Variants in GARIN3 observed in about 807,000 individuals in gnomAD.
GARIN3 encodes the protein Golgi-associated RAB2 interactor protein 3.
At chr5:157,164,394 C>T in the GARIN3 span, among the ~76,000 whole-genome samples, 8 of 151,954 alleles carry the variant, frequency 5.3e-5, no homozygotes, top group African/African-American at 1.9e-4. Context: ...TCTGGTGAGC[C>T]GCCTTCCTTG....
chr5:157,165,198 C>T, the GARIN3 span, among the ~76,000 whole-genome samples: 1 of 152,220 alleles, frequency 6.6e-6, no homozygotes, highest in African/African-American at 2.4e-5. Flanking sequence ...CACAAAGCTA[C>T]ACCTACACCC....
chr5:157,162,418 C>A, the GARIN3 span: 1 of 1,599,976 alleles, frequency 6.3e-7, no homozygotes, highest in Non-Finnish European at 8.5e-7. Flanking sequence ...ACTTCCAGAT[C>A]CCTGGGCGGT....
At chr5:157,162,537 T>C in the GARIN3 span, 2 of 1,614,192 alleles carry the variant, frequency 1.2e-6, no homozygotes, top group Non-Finnish European at 1.7e-6. Flanking sequence ...CACCCTGGGC[T>C]TTCTCCACTT....
At chr5:157,162,380 G>C in the GARIN3 span, 1 of 1,538,106 alleles carries the variant, frequency 6.5e-7, no homozygotes, top group African/African-American at 1.4e-5. Context: ...CTGCAGTAAA[G>C]AAAGCTGGGA....
the GARIN3 span, chr5:157,163,542 G>A: frequency 3.7e-6 from 6 of 1,614,190 alleles, no homozygotes; most frequent in South Asian, 5.5e-5. Context: ...CCGTTCCGTG[G>A]GAGGCATGTT....
the GARIN3 span, chr5:157,162,199 T>C: frequency 1.8e-6 from 1 of 556,822 alleles, no homozygotes; most frequent in Non-Finnish European, 3.1e-6. Flanking sequence ...TTGGCTCTGC[T>C]GGCCGTGGGC....
the GARIN3 span, chr5:157,166,062 C>T: frequency 6.2e-7 from 1 of 1,614,162 alleles, no homozygotes; most frequent in Non-Finnish European, 8.5e-7. Context: ...GTTGTACTCT[C>T]CTCTGTTGTA....
At chr5:157,163,952 T>C in the GARIN3 span, among the ~76,000 whole-genome samples, 1 of 151,764 alleles carries the variant, frequency 6.6e-6, no homozygotes, top group Non-Finnish European at 1.5e-5. Flanking sequence ...AGCTACTCAG[T>C]AGGCTGAGGT....
chr5:157,163,257 T>C, the GARIN3 span: 4 of 1,614,038 alleles, frequency 2.5e-6, no homozygotes, highest in Admixed American at 1.7e-5. Flanking sequence ...CCTCTGAGGA[T>C]ATGTTGGCAG....
the GARIN3 span, among the ~76,000 whole-genome samples, chr5:157,164,524 G>A: frequency 6.6e-6 from 1 of 152,136 alleles, no homozygotes; most frequent in South Asian, 2.1e-4. Flanking sequence ...CTCAGTTTTG[G>A]TTGAGCAATT....
At chr5:157,163,207 A>C in the GARIN3 span, 1 of 1,614,090 alleles carries the variant, frequency 6.2e-7, no homozygotes, top group Non-Finnish European at 8.5e-7. Flanking sequence ...AGTACCTTCC[A>C]AGGAGGTGCT....
At chr5:157,163,784 G>C in the GARIN3 span, 481 of 1,269,960 alleles carry the variant, frequency 3.8e-4, 1 homozygote, top group African/African-American at 6.8e-3. Context: ...GGTCGGGTGT[G>C]GTGGCTCACG....
the GARIN3 span, chr5:157,162,189 T>C: frequency 1.9e-6 from 1 of 534,872 alleles, no homozygotes; most frequent in Non-Finnish European, 3.3e-6. Context: ...AACACTCACG[T>C]TGGCTCTGCT....
At chr5:157,165,592 C>T in the GARIN3 span, 1,837 of 1,613,032 alleles carry the variant, frequency 1.1e-3, 3 homozygotes, top group Admixed American at 1.5e-3. Flanking sequence ...TCGGGTGGTG[C>T]GTCCCCAGAT....
chr5:157,163,313 T>TA, the GARIN3 span: 1 of 1,614,162 alleles, frequency 6.2e-7, no homozygotes, highest in Non-Finnish European at 8.5e-7. Context: ...GGATTTTTGA[T>TA]AGCTGCTCCC....
At chr5:157,165,529 C>T in the GARIN3 span, 2 of 1,568,992 alleles carry the variant, frequency 1.3e-6, no homozygotes, top group African/African-American at 2.7e-5. Context: ...CCCAAAGAAC[C>T]TGCCCCATGT....
chr5:157,165,057 T>C, the GARIN3 span, among the ~76,000 whole-genome samples: 1 of 152,050 alleles, frequency 6.6e-6, no homozygotes, highest in African/African-American at 2.4e-5. Context: ...AGTCTCCAGT[T>C]GCACATTGGA....
At chr5:157,162,218 G>A in the GARIN3 span, 1 of 608,412 alleles carries the variant, frequency 1.6e-6, no homozygotes, top group East Asian at 3.0e-5. Flanking sequence ...GCGGGTGGTG[G>A]AGCTCTACTT....
chr5:157,165,566 T>C, the GARIN3 span: 2 of 1,607,932 alleles, frequency 1.2e-6, no homozygotes, highest in African/African-American at 2.7e-5. Context: ...GGCTTACCAC[T>C]AGGCTTTTGT....
Sources: allele counts gnomAD v4.1 joint callset (sites outside exome capture counted in the v4.1 genomes callset), GRCh38; gene constraint gnomAD v4.1.1; transcripts MANE v1.5; gene names NCBI Gene and HGNC (gene_info 2026-07-23, HGNC 2026-07-21).